Variants in DISC1 observed in about 807,000 individuals in gnomAD.
The protein encoded by DISC1 is disrupted in schizophrenia 1 protein.
A neutral mutation model predicts 84.5 loss-of-function variants in DISC1; 57 were observed. The observed-to-expected ratio is 0.67, with a 90% confidence interval of 0.55 to 0.84. DISC1 has a LOEUF of 0.84. Ranked by LOEUF, DISC1 falls within the 40% of genes least tolerant of loss-of-function variation. The pLI is 0.00. For missense variants in DISC1, 1,000 were observed against 1,057.8 expected (o/e 0.95, Z 0.76); for synonymous variants, 411 against 415.2 (o/e 0.99, Z 0.12).
chr1:231,977,750 A>G lies in DISC1; in HGVS notation c.2042+18862A>G, dbSNP rs567505400. Among the ~76,000 whole-genome samples, 16 of 152,364 alleles carry G rather than the reference A, an allele frequency of 1.1e-4. No homozygotes were observed. In the South Asian group the frequency reaches 3.3e-3, roughly 32 times the overall value. The stretch of plus-strand genomic sequence containing the variant: ...TTTTGAAACAAATCTCAGACATTTT[A>G]TTTAATCCATAAATATGTCAGTGCA... On this transcript the variant is annotated intron_variant, in intron 10 of 12. Coordinates refer to ENST00000439617, the MANE Select transcript of DISC1 (RefSeq NM_018662.3).
intron 1 of DISC1, among the ~76,000 whole-genome samples, chr1:231,667,800 ATAT>A (rs1478736014): frequency 6.6e-6 from 1 of 152,198 alleles, no homozygotes; most frequent in African/African-American, 2.4e-5. Context: ...TAAAAAATAA[ATAT>A]TATTAGCATT....
intron 9 of DISC1, among the ~76,000 whole-genome samples, chr1:231,912,773 CTTT>C (rs1558725024): frequency 2.1e-5 from 3 of 144,846 alleles, no homozygotes; most frequent in African/African-American, 7.5e-5. Flanking sequence ...TTCTTTCTTT[CTTT>C]CTTTCTTTCT....
intron 9 of DISC1, among the ~76,000 whole-genome samples, chr1:231,844,433 G>T (rs2083301467): frequency 6.6e-6 from 1 of 152,144 alleles, no homozygotes; most frequent in Non-Finnish European, 1.5e-5. Context: ...TCCCAGCACT[G>T]CCATGGCCTC....
intron 9 of DISC1, among the ~76,000 whole-genome samples, chr1:231,845,087 C>G (rs2083358834): frequency 1.3e-5 from 2 of 152,118 alleles, no homozygotes; most frequent in African/African-American, 2.4e-5. Flanking sequence ...TATTTATTAT[C>G]AGATGTAAGG....
chr1:231,752,727 A>G, intron 4 of DISC1, among the ~76,000 whole-genome samples: 2 of 152,218 alleles, frequency 1.3e-5, no homozygotes, highest in East Asian at 3.8e-4. Context: ...GTCTCATCTG[A>G]GACAAGGCTA....
At chr1:231,947,839 A>C (rs1094401) in intron 9 of DISC1, among the ~76,000 whole-genome samples, 51,776 of 148,680 alleles carry the variant, frequency 0.35, 10,160 homozygotes, top group East Asian at 0.74. Flanking sequence ...TTTATGTAAC[A>C]AACAGACGTA....
At chr1:231,874,448 C>T (rs72632843) in intron 9 of DISC1, among the ~76,000 whole-genome samples, 50,920 of 151,556 alleles carry the variant, frequency 0.34, 8,803 homozygotes, top group East Asian at 0.44. Flanking sequence ...TGTGAGCCAC[C>T]GCGCCCAGCC....
chr1:231,656,649 G>T (rs1464089759), intron 1 of DISC1, among the ~76,000 whole-genome samples: 1 of 151,910 alleles, frequency 6.6e-6, no homozygotes, highest in African/African-American at 2.4e-5. Flanking sequence ...TAAGTTCATG[G>T]GTACATGTGG....
At chr1:231,801,172 C>CA (rs2125647245) in intron 8 of DISC1, among the ~76,000 whole-genome samples, 1 of 152,206 alleles carries the variant, frequency 6.6e-6, no homozygotes, top group Admixed American at 6.5e-5. Context: ...CTGGTGCAGT[C>CA]ACGCGTATTA....
chr1:231,774,815 C>T (rs1428453088), intron 6 of DISC1: 1 of 454,080 alleles, frequency 2.2e-6, no homozygotes, highest in East Asian at 7.0e-5. Flanking sequence ...GCTGGCTCAA[C>T]AGGTCAGAGA....
intron 1 of DISC1, among the ~76,000 whole-genome samples, chr1:231,649,108 G>A (rs1477961558): frequency 9.9e-5 from 15 of 152,056 alleles, no homozygotes; most frequent in South Asian, 2.1e-4. Flanking sequence ...GCTTTTGAAT[G>A]TGTTTGCTCT....
At position 232,039,391 on chromosome 1, in the gene DISC1, G is replaced by C. The variant is rs1181408909; in HGVS notation, c.*2560G>C. 6.6e-6 allele frequency: 1 copy of C among 152,214 alleles called. No individual in the cohort carries two copies. The highest frequency in any genetic ancestry group is 1.5e-5 in the Non-Finnish European group (1 of 68,044). 9.4% of individuals were successfully genotyped at this position (152,214 alleles called of 1,614,324 possible). On this transcript the variant is annotated 3_prime_UTR_variant, in exon 13 of 13. Coordinates refer to ENST00000439617, the MANE Select transcript of DISC1 (RefSeq NM_018662.3). ...CATGATGTATTTGAAAATTCTGCAA[G>C]TTAATAACTGCCTTGAATTGTTTGA... is the stretch of plus-strand genomic sequence containing the variant.
At chr1:231,928,789 T>G (rs1349873434) in intron 9 of DISC1, among the ~76,000 whole-genome samples, 1 of 152,254 alleles carries the variant, frequency 6.6e-6, no homozygotes, top group Non-Finnish European at 1.5e-5. Flanking sequence ...AGAACTTATT[T>G]ATTCCTGCCT....
chr1:231,788,193 G>A (rs746346138), intron 6 of DISC1, among the ~76,000 whole-genome samples: 3 of 152,168 alleles, frequency 2.0e-5, no homozygotes, highest in Non-Finnish European at 4.4e-5. Flanking sequence ...GCTGAGGCAG[G>A]AGAATCGCTT....
intron 4 of DISC1, among the ~76,000 whole-genome samples, chr1:231,765,516 G>A (rs751347692): frequency 1.3e-5 from 2 of 151,988 alleles, no homozygotes; most frequent in Admixed American, 6.6e-5. Context: ...CTTGTCGTTC[G>A]CCTATTAGTT....
chr1:231,788,855 G>C (rs1422152418), intron 6 of DISC1, among the ~76,000 whole-genome samples: 1 of 152,086 alleles, frequency 6.6e-6, no homozygotes, highest in African/African-American at 2.4e-5. Context: ...TGGTTTGAGT[G>C]TGCCTCTAGC....
chr1:231,959,354 A>G (rs1158286142), intron 10 of DISC1: 4 of 985,828 alleles, frequency 4.1e-6, no homozygotes, highest in Non-Finnish European at 3.6e-6. Flanking sequence ...TTTAAAACCC[A>G]ATTAGGAATT....
chr1:231,935,581 C>T (rs201959787), intron 9 of DISC1, among the ~76,000 whole-genome samples: 1 of 152,190 alleles, frequency 6.6e-6, no homozygotes, highest in African/African-American at 2.4e-5. Context: ...CTTATGTAAT[C>T]CTGGTGTTAA....
At chr1:231,805,653 A>G (rs1354126556) in intron 8 of DISC1, among the ~76,000 whole-genome samples, 1 of 152,138 alleles carries the variant, frequency 6.6e-6, no homozygotes, top group Non-Finnish European at 1.5e-5. Flanking sequence ...AACTGCCCCT[A>G]TGATCCAATC....
Sources: allele counts gnomAD v4.1 joint callset (sites outside exome capture counted in the v4.1 genomes callset), GRCh38; gene constraint gnomAD v4.1.1; transcripts MANE v1.5; gene names NCBI Gene and HGNC (gene_info 2026-07-23, HGNC 2026-07-21).